PKIB: variants seen among roughly 807,000 people sequenced by gnomAD.
PKIB encodes the protein PKI-beta.
In PKIB, 2 loss-of-function variants were observed where a neutral mutation model predicts 4.5. That is an observed-to-expected ratio of 0.44 (90% CI 0.18 to 1.39). PKIB has a LOEUF of 1.39. Among genes scored for constraint, PKIB ranks in the 40% most tolerant of loss-of-function variants. The pLI, the probability that PKIB is intolerant of heterozygous loss-of-function variation, is 0.27. For missense variants in PKIB, 94 were observed against 92.6 expected (o/e 1.02, Z -0.06); for synonymous variants, 38 against 36.0 (o/e 1.06, Z -0.20).
intron 2 of PKIB, among the ~76,000 whole-genome samples, chr6:122,537,732 A>G (rs1327781625): frequency 1.3e-5 from 2 of 152,136 alleles, no homozygotes; most frequent in African/African-American, 4.8e-5. Context: ...TTCTAGTTCT[A>G]GATCCCTGAG....
intron 3 of PKIB, among the ~76,000 whole-genome samples, chr6:122,699,144 T>A (rs938118681): frequency 6.6e-6 from 1 of 151,968 alleles, no homozygotes; most frequent in African/African-American, 2.4e-5. Flanking sequence ...AGCCCTTGAG[T>A]AGCCTGGTAA....
intron 2 of PKIB, among the ~76,000 whole-genome samples, chr6:122,638,724 G>C (rs1451589994): frequency 6.6e-6 from 1 of 152,092 alleles, no homozygotes; most frequent in Non-Finnish European, 1.5e-5. Context: ...ACTTACACAA[G>C]GACTGGGACT....
intron 2 of PKIB, among the ~76,000 whole-genome samples, chr6:122,660,058 G>A (rs1046653760): frequency 9.2e-5 from 14 of 152,290 alleles, no homozygotes; most frequent in Admixed American, 7.2e-4. Context: ...AAATGAGTTA[G>A]AAATGTCAAA....
At chr6:122,471,958 T>C (rs1033542710) in exon 1 of PKIB, 32 of 1,083,800 alleles carry the variant, frequency 3.0e-5, no homozygotes, top group Non-Finnish European at 3.8e-5. Flanking sequence ...CTGTCTTCTT[T>C]CCTGGAGAAT....
intron 2 of PKIB, among the ~76,000 whole-genome samples, chr6:122,638,391 A>T (rs1206009009): frequency 6.6e-6 from 1 of 152,216 alleles, no homozygotes; most frequent in Admixed American, 6.5e-5. Flanking sequence ...CATGGGAAAG[A>T]GTAACCAGTG....
intron 2 of PKIB, among the ~76,000 whole-genome samples, chr6:122,637,124 A>G (rs1228292885): frequency 6.6e-6 from 1 of 152,240 alleles, no homozygotes; most frequent in Non-Finnish European, 1.5e-5. Flanking sequence ...AAATAATTTC[A>G]TAATCTTGTC....
intron 2 of PKIB, among the ~76,000 whole-genome samples, chr6:122,564,602 A>C (rs1773128214): frequency 6.6e-6 from 1 of 152,240 alleles, no homozygotes; most frequent in African/African-American, 2.4e-5. Context: ...AAAAGCGGGA[A>C]ATTAATAAAC....
chr6:122,487,633 C>G (rs1464889603), intron 2 of PKIB, among the ~76,000 whole-genome samples: 1 of 152,220 alleles, frequency 6.6e-6, no homozygotes, highest in African/African-American at 2.4e-5. Flanking sequence ...GTAGCATCAG[C>G]TGACTCCATG....
intron 2 of PKIB, among the ~76,000 whole-genome samples, chr6:122,577,715 C>G (rs1773586613): frequency 6.6e-6 from 1 of 152,004 alleles, no homozygotes; most frequent in South Asian, 2.1e-4. Context: ...CGAGACCATC[C>G]TGGCTAACAC....
chr6:122,633,929 C>CCCATCTAT (rs1554226641), intron 2 of PKIB, among the ~76,000 whole-genome samples: 2 of 145,868 alleles, frequency 1.4e-5, no homozygotes, highest in East Asian at 4.1e-4. Context: ...AGATATCTGT[C>CCCATCTAT]CTATCTATCT....
At chr6:122,610,977 C>T (rs557320115) in intron 1 of PKIB, among the ~76,000 whole-genome samples, 11 of 152,352 alleles carry the variant, frequency 7.2e-5, no homozygotes, top group Non-Finnish European at 1.5e-4. Flanking sequence ...CGAGTACTAA[C>T]CCGCTCGGCC....
chr6:122,705,307 T>C (rs1779011311), intron 3 of PKIB, among the ~76,000 whole-genome samples: 1 of 152,166 alleles, frequency 6.6e-6, no homozygotes, highest in East Asian at 1.9e-4. Context: ...CTAGAGTGTC[T>C]ATTTTATTTT....
intron 3 of PKIB, among the ~76,000 whole-genome samples, chr6:122,594,225 T>A (rs1774099524): frequency 6.6e-6 from 1 of 151,984 alleles, no homozygotes; most frequent in African/African-American, 2.4e-5. Context: ...TTTTTTTTTT[T>A]TAAGATGGAG....
At chr6:122,521,285 A>G (rs562061034) in intron 2 of PKIB, among the ~76,000 whole-genome samples, 6 of 152,150 alleles carry the variant, frequency 3.9e-5, no homozygotes, top group Non-Finnish European at 5.9e-5. Context: ...TCTTGGTCCA[A>G]CCACTGAGTT....
At chr6:122,690,385 CCTTCTAT>C (rs1161261437) in intron 3 of PKIB, among the ~76,000 whole-genome samples, 2 of 151,840 alleles carry the variant, frequency 1.3e-5, no homozygotes, top group Non-Finnish European at 2.9e-5. Context: ...TAATTTCTTA[CCTTCTAT>C]TTTTTTGTGT....
chr6:122,707,760 C>T (rs1326385465), intron 3 of PKIB, among the ~76,000 whole-genome samples: 1 of 152,096 alleles, frequency 6.6e-6, no homozygotes, highest in African/African-American at 2.4e-5. Flanking sequence ...TATCATCTAG[C>T]TTCAAACTAA....
chr6:122,494,162 A>G (rs1776014499), intron 2 of PKIB, among the ~76,000 whole-genome samples: 1 of 152,194 alleles, frequency 6.6e-6, no homozygotes, highest in Non-Finnish European at 1.5e-5. Flanking sequence ...TGATTAATTC[A>G]AATTAAATCC....
chr6:122,713,056 G>A (rs963831457), intron 3 of PKIB, among the ~76,000 whole-genome samples: 7 of 151,952 alleles, frequency 4.6e-5, no homozygotes, highest in Admixed American at 1.3e-4. Flanking sequence ...ATATTTCAGA[G>A]ACTGTAAAGA....
chr6:122,634,607 T>C (rs1272820067), intron 2 of PKIB, among the ~76,000 whole-genome samples: 1 of 152,122 alleles, frequency 6.6e-6, no homozygotes, highest in Non-Finnish European at 1.5e-5. Flanking sequence ...GTGGAAGACA[T>C]AACATTTGGT....
Sources: gnomAD v4.1 joint callset for allele counts (sites outside exome capture counted in the v4.1 genomes callset) on GRCh38, gnomAD v4.1.1 for gene constraint, MANE v1.5 for transcripts, NCBI Gene and HGNC (gene_info 2026-07-23, HGNC 2026-07-21) for gene names.